Variants in CLMN observed in about 807,000 individuals in gnomAD.
CLMN encodes the protein calmin.
In CLMN, 57 loss-of-function variants were observed where a neutral mutation model predicts 92.7. That is an observed-to-expected ratio of 0.61 (90% CI 0.50 to 0.77). CLMN has a LOEUF of 0.77. Among genes scored for constraint, CLMN ranks in the 30% least tolerant of loss-of-function variants. The probability of loss-of-function intolerance (pLI) is 0.00; values close to 1 mark genes in which losing one functional copy is unlikely to be tolerated. For missense variants in CLMN, 1,158 were observed against 1,237.5 expected (o/e 0.94, Z 0.96); for synonymous variants, 466 against 470.6 (o/e 0.99, Z 0.13).
At chr14:95,306,811 C>T (rs142990260) in intron 1 of CLMN, among the ~76,000 whole-genome samples, 1 of 152,154 alleles carries the variant, frequency 6.6e-6, no homozygotes, top group Non-Finnish European at 1.5e-5. Flanking sequence ...ATGATGAAAA[C>T]ATATGGGGAA....
At chr14:95,276,831 T>C (rs1011156917) in intron 1 of CLMN, among the ~76,000 whole-genome samples, 3 of 152,184 alleles carry the variant, frequency 2.0e-5, no homozygotes, top group Admixed American at 6.5e-5. Flanking sequence ...GTCACGCATA[T>C]TTTTCTCTGG....
intron 1 of CLMN, among the ~76,000 whole-genome samples, chr14:95,319,396 C>T (rs188376672): frequency 6.6e-6 from 1 of 152,112 alleles, no homozygotes; most frequent in African/African-American, 2.4e-5. Flanking sequence ...CAAGAGCCCA[C>T]GTACAAACTT....
chr14:95,203,245 T>C lies in CLMN; in HGVS notation c.2104A>G (p.Ser702Gly). 6.2e-7 allele frequency: 1 copy of C among 1,613,922 alleles called. No individual in the cohort carries two copies. The highest frequency in any genetic ancestry group is 1.1e-5 in the South Asian group (1 of 91,066). Residue 702 changes from serine to glycine, a missense_variant, in exon 9 of 13, where the codon AGT becomes GGT. Ser to Gly is a moderately conservative substitution (Grantham distance 56, BLOSUM62 0). Transcript: ENST00000298912. ...AAATCCAGGCCTTCTTCGCTGTGAC[T>C]CCCAAGGGTCTCCAAGCTGACACAG... ...SSCVSLETLG[S>G]HSEEGLDFKP...
At chr14:95,274,322 A>C (rs1899837383) in intron 1 of CLMN, among the ~76,000 whole-genome samples, 1 of 152,020 alleles carries the variant, frequency 6.6e-6, no homozygotes, top group East Asian at 1.9e-4. Flanking sequence ...TGGTCTAACC[A>C]CACCTTATGA....
rs1009152535 is a variant in CLMN, at chr14:95,182,245, T to G, written c.*9319A>C. 3.3e-5 allele frequency: 5 copies of G among 152,356 alleles called. No individual in the cohort carries two copies. Among genetic ancestry groups the G allele is most frequent in the Admixed American group, 3.3e-4 (5 of 15,310 alleles). The allele number at this position is 152,356 out of a possible 1,614,324, so 9.4% of individuals were successfully genotyped here. On this transcript the variant is annotated 3_prime_UTR_variant, in exon 13 of 13. Transcript: ENST00000298912. ...ACTACAAAATAACATTTCATTTTCCTCAATAGTTTTCTTAGAGCTCTCAGT... is the reference window on the plus strand; with the variant it reads ...ACTACAAAATAACATTTCATTTTCCGCAATAGTTTTCTTAGAGCTCTCAGT...
intron 4 of CLMN, among the ~76,000 whole-genome samples, chr14:95,218,272 G>A (rs1451786004): frequency 2.6e-5 from 4 of 152,204 alleles, no homozygotes; most frequent in Admixed American, 6.5e-5. Context: ...TCACAGGTCA[G>A]TTCCTTTAGT....
At chr14:95,297,688 G>GTA (rs1900863045) in intron 1 of CLMN, among the ~76,000 whole-genome samples, 1 of 152,152 alleles carries the variant, frequency 6.6e-6, no homozygotes, top group Admixed American at 6.6e-5. Flanking sequence ...TGCATTAGCA[G>GTA]TTCTTCCCTT....
At chr14:95,217,637 T>G (rs1566873819) in intron 4 of CLMN, among the ~76,000 whole-genome samples, 1 of 152,250 alleles carries the variant, frequency 6.6e-6, no homozygotes, top group South Asian at 2.1e-4. Context: ...GCCTCTGCTC[T>G]GACAGCTCCT....
intron 1 of CLMN, among the ~76,000 whole-genome samples, chr14:95,245,867 C>CATGGATGG (rs146057054): frequency 7.6e-6 from 1 of 131,066 alleles, no homozygotes; most frequent in Admixed American, 7.8e-5. Context: ...TGGATGGATG[C>CATGGATGG]ATGGATGGAT....
At chr14:95,213,936 T>A (rs752042185) in intron 5 of CLMN, among the ~76,000 whole-genome samples, 2 of 152,054 alleles carry the variant, frequency 1.3e-5, no homozygotes, top group East Asian at 3.9e-4. Flanking sequence ...ACACACACAG[T>A]AGGTTACGTC....
Position 95,294,122 on chromosome 14 carries a change from G to T in CLMN, c.82+25589C>A, listed in dbSNP as rs142701228. Among the ~76,000 whole-genome samples the T allele has an allele frequency of 3.9e-4, 59 of 152,232 alleles. No homozygotes were observed. The highest frequency in any genetic ancestry group is 1.3e-3 in the African/African-American group (55 of 41,460). ...CCTCACCCTAAACAGCCAGGAGAGT[G>T]CGTGCAGTCAGCCTGCCTGCCAAAG... On this transcript the variant is annotated intron_variant, in intron 1 of 12. Coordinates refer to ENST00000298912, the MANE Select transcript of CLMN (RefSeq NM_024734.4). This position sits in a 1 kb window ranked among gnomAD's most constrained non-coding sequence, Gnocchi z 4.2.
intron 6 of CLMN, among the ~76,000 whole-genome samples, chr14:95,211,135 C>T (rs1235543916): frequency 1.3e-5 from 2 of 152,208 alleles, no homozygotes; most frequent in Admixed American, 1.3e-4. Flanking sequence ...AATTCCCAGA[C>T]ACATAAAGGA....
chr14:95,306,413 G>A (rs930903380), intron 1 of CLMN, among the ~76,000 whole-genome samples: 3 of 152,032 alleles, frequency 2.0e-5, no homozygotes, highest in African/African-American at 7.2e-5. Context: ...CTCGGGAAGC[G>A]GCGGCTGAGG....
At chr14:95,237,289 C>T (rs2140647452) in intron 1 of CLMN, among the ~76,000 whole-genome samples, 1 of 152,370 alleles carries the variant, frequency 6.6e-6, no homozygotes, top group African/African-American at 2.4e-5. Flanking sequence ...CTCACAAAGC[C>T]AAGCGCCTTT....
chr14:95,202,003 A>G (rs886161103), intron 9 of CLMN, among the ~76,000 whole-genome samples: 1 of 152,120 alleles, frequency 6.6e-6, no homozygotes, highest in African/African-American at 2.4e-5. Context: ...GGTTGGTTCC[A>G]TGTCTTTGCT....
chr14:95,277,697 G>C (rs1477125300), intron 1 of CLMN, among the ~76,000 whole-genome samples: 1 of 152,114 alleles, frequency 6.6e-6, no homozygotes, highest in Non-Finnish European at 1.5e-5. Flanking sequence ...GCACGATCTT[G>C]GCTCACTGCA....
rs369527330 is a variant in CLMN at position 95,220,057 on chromosome 14, A to G, written c.324+1634T>C. Among the ~76,000 whole-genome samples the G allele has an allele frequency of 1.6e-3, 248 of 152,046 alleles. 4 individuals carry two copies. Among genetic ancestry groups the G allele is most frequent in the African/African-American group, 5.9e-3 (245 of 41,452 alleles). On this transcript the variant is annotated intron_variant, in intron 4 of 12. Transcript: ENST00000298912. The stretch of plus-strand genomic sequence containing the variant: ...TTTCATATGAATAGAATCATATAAT[A>G]AGTGGTCCTTTGCGTCTGGCTTCTC...
chr14:95,297,998 G>A lies in CLMN; in HGVS notation c.82+21713C>T, dbSNP rs74077853. On this transcript the variant is annotated intron_variant, in intron 1 of 12. Coordinates refer to ENST00000298912, the MANE Select transcript of CLMN (RefSeq NM_024734.4). Reference sequence around the variant, plus strand: ...CAAGAAACTGCTAGCCACACTTTCCGGAGCAGCTGTACCACTTTGCATTTC... The same window carrying A: ...CAAGAAACTGCTAGCCACACTTTCCAGAGCAGCTGTACCACTTTGCATTTC... Among the ~76,000 whole-genome samples, 609 of 152,216 alleles carry A rather than the reference G, an allele frequency of 4.0e-3. 3 individuals carry two copies. Among genetic ancestry groups the A allele is most frequent in the African/African-American group, 0.014 (572 of 41,514 alleles).
chr14:95,191,674 A>T lies in CLMN; in HGVS notation c.2899T>A (p.Ser967Thr). 1 of 1,613,460 alleles carries T rather than the reference A, an allele frequency of 6.2e-7. No individual in the cohort carries two copies. Among genetic ancestry groups the T allele is most frequent in the Non-Finnish European group, 8.5e-7 (1 of 1,179,946 alleles). The change falls in exon 13 of 13, where the codon TCC becomes ACC. Residue 967 changes from serine to threonine, a missense_variant. Ser to Thr is a moderately conservative substitution (Grantham distance 58, BLOSUM62 1). Transcript: ENST00000298912. The surrounding 1 kb of genome is among the most constrained non-coding windows in gnomAD (Gnocchi z 5.3). ...SLGSHSPQSD[S>T]LTQLVQQPDM... ...GGCTGCTGGACAAGCTGTGTCAGGG[A>T]GTCACTCTGCGGGCTGTGGCTCCCC...
Sources: gnomAD v4.1 joint callset for allele counts (sites outside exome capture counted in the v4.1 genomes callset) on GRCh38, gnomAD v4.1.1 for gene constraint, Gnocchi (gnomAD v3.1) non-coding constraint, MANE v1.5 for transcripts, NCBI Gene and HGNC (gene_info 2026-07-23, HGNC 2026-07-21) for gene names.